The following TMEM167B variants were observed in gnomAD, a reference collection of about 807,000 sequenced individuals.
TMEM167B encodes transmembrane protein 167B, also known as protein kish-B.
TMEM167B carries 2 observed loss-of-function variants against 9.4 expected under a neutral mutation model. That is an observed-to-expected ratio of 0.21 (90% CI 0.09 to 0.67). The LOEUF is 0.67. TMEM167B is among the 30% of genes least tolerant of loss of function. TMEM167B has a pLI of 0.82. For missense variants in TMEM167B, 68 were observed against 87.6 expected (o/e 0.78, Z 0.89); for synonymous variants, 28 against 32.0 (o/e 0.87, Z 0.42).
rs1042087090 is a variant in TMEM167B at position 109,094,512 on chromosome 1, C to A, written c.*13C>A. 1.2e-6 allele frequency: 2 copies of A among 1,613,130 alleles called. No homozygotes were observed. Among genetic ancestry groups the A allele is most frequent in the Non-Finnish European group, 1.7e-6 (2 of 1,179,882 alleles). ...GTTTATAAAATGAATTCCAAAGCAC[C>A]CAAGTCATCAACTGCCAACCAAGGG... On this transcript the variant is annotated 3_prime_UTR_variant, in exon 3 of 3. Coordinates refer to ENST00000338272, the MANE Select transcript of TMEM167B (RefSeq NM_020141.4).
chr1:109,090,853 C>T lies in TMEM167B; in HGVS notation c.-20C>T. On this transcript the variant is annotated 5_prime_UTR_variant, in exon 1 of 3. Coordinates refer to ENST00000338272, the MANE Select transcript of TMEM167B (RefSeq NM_020141.4). Reference sequence around the variant, plus strand: ...TACCACTGAACCCGGACCCCCTACCCAGGTCCAGGGCCAGCCGCCATGACG... The same window carrying T: ...TACCACTGAACCCGGACCCCCTACCTAGGTCCAGGGCCAGCCGCCATGACG... 2 of 1,587,680 alleles carry T rather than the reference C, an allele frequency of 1.3e-6. No individual in the cohort carries two copies. Among genetic ancestry groups the T allele is most frequent in the Non-Finnish European group, 1.7e-6 (2 of 1,166,890 alleles).
At chr1:109,091,242 T>G (rs1664443202) in intron 1 of TMEM167B, among the ~76,000 whole-genome samples, 1 of 152,234 alleles carries the variant, frequency 6.6e-6, no homozygotes, top group Non-Finnish European at 1.5e-5. Context: ...TGCGTTCTCA[T>G]GCTTTCGGAC....
At position 109,090,906 on chromosome 1, in the gene TMEM167B, A is replaced by T. The variant is rs369592654; in HGVS notation, c.10+24A>T. The T allele has an allele frequency of 2.0e-5, 32 of 1,582,878 alleles. No individual in the cohort carries two copies. The African/African-American group carries it at 3.8e-4, about 19-fold the overall frequency. On this transcript the variant is annotated intron_variant, in intron 1 of 2. Coordinates refer to ENST00000338272, the MANE Select transcript of TMEM167B (RefSeq NM_020141.4). ...CGGTGAGAACTGATGCCCTGAGCGG[A>T]GGGTGGGAGTGAAGGACGAAGGGAA...
In TMEM167B at chr1:109,093,335, T is replaced by C. The variant is rs546437874; in HGVS notation, c.142+314T>C. 1.9e-5 allele frequency: 5 copies of C among 256,700 alleles called. No homozygotes were observed. The Admixed American group carries it at 2.5e-4, about 13-fold the overall frequency. 15.9% of individuals were successfully genotyped at this position (256,700 alleles called of 1,614,324 possible). On this transcript the variant is annotated intron_variant, in intron 2 of 2. Coordinates refer to ENST00000338272, the MANE Select transcript of TMEM167B (RefSeq NM_020141.4). ...AGTGAGACCCCATTTCTACAAAATA[T>C]ACAAAAATTAGCCAGGTATGGTGGC...
rs1181060205 is a variant in TMEM167B, at chr1:109,094,404, T to A, written c.143-13T>A. 2.2e-5 allele frequency: 35 copies of A among 1,613,800 alleles called. No homozygotes were observed. The highest frequency in any genetic ancestry group is 3.0e-5 in the Non-Finnish European group (35 of 1,179,964). The stretch of plus-strand genomic sequence containing the variant: ...AGGGCAGGGTGTGATTTCTTCTCTC[T>A]TTTGCCTGCTAGCCGCTGTGATTGG... On this transcript the variant is annotated splice_polypyrimidine_tract_variant and intron_variant, in intron 2 of 2. Coordinates refer to ENST00000338272, the MANE Select transcript of TMEM167B (RefSeq NM_020141.4).
chr1:109,094,434 A>C lies in TMEM167B; in HGVS notation c.160A>C (p.Arg54=), dbSNP rs1300315866. The part of the protein sequence containing the change: ...VFYKAAVIGT[R]LHAAVAIACV... ...CCTGCTAGCCGCTGTGATTGGAACC[A>C]GGCTGCATGCTGCTGTGGCAATTGC... The change falls in exon 3 of 3, where the codon AGG becomes CGG. Residue 54 remains arginine (R), a synonymous_variant. Transcript: ENST00000338272. 1.2e-6 allele frequency: 2 copies of C among 1,613,962 alleles called. No homozygotes were observed. Among genetic ancestry groups the C allele is most frequent in the East Asian group, 4.5e-5 (2 of 44,898 alleles).
In TMEM167B at chr1:109,095,629, A is replaced by G. The variant is rs971158723; in HGVS notation, c.*1130A>G. 6.6e-6 allele frequency: 1 copy of G among 152,158 alleles called. No homozygotes were observed. Among genetic ancestry groups the G allele is most frequent in the Non-Finnish European group, 1.5e-5 (1 of 68,024 alleles). The allele number at this position is 152,158 out of a possible 1,614,324, so 9.4% of individuals were successfully genotyped here. On this transcript the variant is annotated 3_prime_UTR_variant, in exon 3 of 3. Coordinates refer to ENST00000338272, the MANE Select transcript of TMEM167B (RefSeq NM_020141.4). ...CATTGCTCTTTAGTTGTCTCTGGAA[A>G]TTCTATTTACTTTAAGGACATGAGA...
In TMEM167B at chr1:109,090,814, A is replaced by T. The variant is rs758688695; in HGVS notation, c.-59A>T. On this transcript the variant is annotated 5_prime_UTR_variant, in exon 1 of 3. Coordinates refer to ENST00000338272, the MANE Select transcript of TMEM167B (RefSeq NM_020141.4). ...GGAAGTGTCAAGCGGGCGCTCCCCC[A>T]TCTCCGCCGCTATTACCACTGAACC... The T allele has an allele frequency of 6.4e-7, 1 of 1,561,096 alleles. No homozygotes were observed. The highest frequency in any genetic ancestry group is 8.7e-7 in the Non-Finnish European group (1 of 1,152,118).
intron 1 of TMEM167B, 104 bp downstream of exon 1, chr1:109,090,986 C>A: frequency 7.2e-7 from 1 of 1,397,096 alleles, no homozygotes; most frequent in Non-Finnish European, 9.7e-7. Flanking sequence ...CCCCTCCCAG[C>A]CCGGCCCCCC....
chr1:109,091,353 G>C (rs187021199), intron 1 of TMEM167B, among the ~76,000 whole-genome samples: 60 of 152,290 alleles, frequency 3.9e-4, no homozygotes, highest in African/African-American at 1.4e-3. Flanking sequence ...TCTTCTTACG[G>C]AAAAATACCG....
At chr1:109,090,943 C>A in intron 1 of TMEM167B, 61 bp downstream of exon 1, 1 of 1,543,528 alleles carries the variant, frequency 6.5e-7, no homozygotes, top group East Asian at 2.4e-5. Context: ...ACGTGGCGGG[C>A]GGGGCCGGGA....
Position 109,096,242 on chromosome 1 carries a change from C to T in TMEM167B, c.*1743C>T, listed in dbSNP as rs1664568242. On this transcript the variant is annotated 3_prime_UTR_variant, in exon 3 of 3. Transcript: ENST00000338272. ...TAAATTTCAACAATTCATACGTTTT[C>T]CATTGTCATTTCTGAGGACCTTTGA... is the stretch of plus-strand genomic sequence containing the variant. The T allele has an allele frequency of 6.6e-6, 1 of 152,138 alleles. No individual in the cohort carries two copies. Among genetic ancestry groups the T allele is most frequent in the African/African-American group, 2.4e-5 (1 of 41,430 alleles). The allele number at this position is 152,138 out of a possible 1,614,324, so 9.4% of individuals were successfully genotyped here.
chr1:109,092,763 G>A, intron 1 of TMEM167B, 127 bp from the exon 2 acceptor site: 1 of 1,068,306 alleles, frequency 9.4e-7, no homozygotes, highest in East Asian at 2.4e-5. Flanking sequence ...TCAAGTGTCA[G>A]TACTGCCTGT....
At position 109,095,274 on chromosome 1, in the gene TMEM167B, T is replaced by G. The variant is rs1273436539; in HGVS notation, c.*775T>G. On this transcript the variant is annotated 3_prime_UTR_variant, in exon 3 of 3. Transcript: ENST00000338272. ...GATGGTATATGAAAAATGAATCAAC[T>G]ATTGCTATTTCGTAAAACCTTTTTA... The G allele has an allele frequency of 6.6e-6, 1 of 152,236 alleles. No individual in the cohort carries two copies. The highest frequency in any genetic ancestry group is 1.5e-5 in the Non-Finnish European group (1 of 68,038). The allele number at this position is 152,236 out of a possible 1,614,324, so 9.4% of individuals were successfully genotyped here. A position where few individuals can be genotyped will look rare whatever the true frequency, so the allele number is the denominator to read the frequency against.
intron 1 of TMEM167B, among the ~76,000 whole-genome samples, chr1:109,092,569 T>TA (rs955383173): frequency 1.9e-4 from 29 of 150,076 alleles, no homozygotes; most frequent in Middle Eastern, 3.4e-3. Context: ...AAAGGGGATG[T>TA]AAAAAAAAAA....
At chr1:109,091,662 C>G (rs1664453576) in intron 1 of TMEM167B, 1 of 152,208 alleles carries the variant, frequency 6.6e-6, no homozygotes. Flanking sequence ...GTCCATAGAC[C>G]TGGCACTGAA....
In TMEM167B at chr1:109,095,517, CT is replaced by C. The variant is rs563758644; in HGVS notation, c.*1020del. ...TTGTCATCTTATAAAAGACAACAAA[CT>C]TATTTTCTGTTTAAGTCTGAGTGTT... On this transcript the variant is annotated 3_prime_UTR_variant, in exon 3 of 3. Transcript: ENST00000338272. 9.9e-5 allele frequency: 15 copies of C among 152,098 alleles called. No homozygotes were observed. The South Asian group carries it at 3.1e-3, about 32-fold the overall frequency. 9.4% of individuals were successfully genotyped at this position (152,098 alleles called of 1,614,324 possible). A position where few individuals can be genotyped will look rare whatever the true frequency, so the allele number is the denominator to read the frequency against.
chr1:109,093,147 G>T lies in TMEM167B; in HGVS notation c.142+126G>T, dbSNP rs546622385. 6.0e-6 allele frequency: 8 copies of T among 1,329,256 alleles called. No homozygotes were observed. In the East Asian group the frequency reaches 1.6e-4, roughly 27 times the overall value. 82.3% of individuals were successfully genotyped at this position (1,329,256 alleles called of 1,614,324 possible). On this transcript the variant is annotated intron_variant, in intron 2 of 2. Coordinates refer to ENST00000338272, the MANE Select transcript of TMEM167B (RefSeq NM_020141.4). ...TTTTAGAAAAAAATCCCTCCGATTGGGTCTGAGAGTCTGGAAAATTAATCA... is the reference window on the plus strand; with the variant it reads ...TTTTAGAAAAAAATCCCTCCGATTGTGTCTGAGAGTCTGGAAAATTAATCA...
chr1:109,091,214 C>G (rs1664442061), intron 1 of TMEM167B, among the ~76,000 whole-genome samples: 1 of 152,208 alleles, frequency 6.6e-6, no homozygotes, highest in African/African-American at 2.4e-5. Context: ...AAGAGAGAGG[C>G]TCCTCCTCCC....
Sources: allele counts gnomAD v4.1 joint callset (sites outside exome capture counted in the v4.1 genomes callset), GRCh38; gene constraint gnomAD v4.1.1; transcripts MANE v1.5; gene names NCBI Gene and HGNC (gene_info 2026-07-23, HGNC 2026-07-21).